The following NYNRIN variants were observed in gnomAD, a reference collection of about 807,000 sequenced individuals.
The protein encoded by NYNRIN is protein NYNRIN.
In NYNRIN, 86 loss-of-function variants were observed where a neutral mutation model predicts 146.6. That is an observed-to-expected ratio of 0.59 (90% confidence interval 0.49 to 0.70). The LOEUF is 0.70. Among genes scored for constraint, NYNRIN ranks in the 30% least tolerant of loss-of-function variants. NYNRIN has a pLI of 0.00. For missense variants in NYNRIN, 2,191 were observed against 2,377.7 expected (o/e 0.92, Z 1.63); for synonymous variants, 1,027 against 1,001.3 (o/e 1.03, Z -0.48).
Position 24,418,461 on chromosome 14 carries a change from T to C in NYNRIN, c.*1015T>C. Reference sequence around the variant, plus strand: ...CAGACCCTACAGATTGTGTGATTGCTTCATCTGTATCACCCCCCGAGTCCT... The same window carrying C: ...CAGACCCTACAGATTGTGTGATTGCCTCATCTGTATCACCCCCCGAGTCCT... On this transcript the variant is annotated 3_prime_UTR_variant, in exon 9 of 9. Coordinates refer to ENST00000382554, the MANE Select transcript of NYNRIN (RefSeq NM_025081.3). The C allele has an allele frequency of 2.9e-6, 1 of 350,106 alleles. No homozygotes were observed. The highest frequency in any genetic ancestry group is 5.6e-6 in the Non-Finnish European group (1 of 177,014). 21.7% of individuals were successfully genotyped at this position (350,106 alleles called of 1,614,324 possible).
At chr14:24,399,714 C>T (rs1219357752) in intron 2 of NYNRIN, among the ~76,000 whole-genome samples, 1 of 152,162 alleles carries the variant, frequency 6.6e-6, no homozygotes, top group Non-Finnish European at 1.5e-5. Flanking sequence ...GAGAGCACCT[C>T]CTCGGTGTGT....
chr14:24,399,363 G>A lies in NYNRIN; in HGVS notation c.117G>A (p.Leu39=). 1 of 1,613,876 alleles carries A rather than the reference G, an allele frequency of 6.2e-7. No individual in the cohort carries two copies. The highest frequency in any genetic ancestry group is 8.5e-7 in the Non-Finnish European group (1 of 1,179,848). The part of the protein sequence containing the change: ...LQVQRIFRVK[L]NAFQSRPDTP... ...TGCAGCGCATCTTTAGGGTCAAGCT[G>A]AACGCCTTCCAGAGCCGCCCGGACA... Residue 39 remains leucine, a synonymous_variant, in exon 2 of 9, where the codon CTG becomes CTA. Transcript: ENST00000382554.
rs2042897998 is a variant in NYNRIN at position 24,409,594 on chromosome 14, G to A, written c.1800G>A (p.Met600Ile). ...CAACAAAGCCAACAGCTCAACTGAT[G>A]GCCACAGCTCAAAAAACAGTTGTGA... Reference protein sequence around the residue: ...LAPTKPTAQLMATAQKTVVNQ... With the variant: ...LAPTKPTAQLIATAQKTVVNQ... The change falls in exon 4 of 9, where the codon ATG becomes ATA. Residue 600 changes from methionine to isoleucine, a missense_variant. Around this residue, in one of 3 missense-constraint regions of NYNRIN, gnomAD observed 895 missense variants for 941.2 expected, o/e 0.95. Transcript: ENST00000382554. 2 of 1,609,492 alleles carry A rather than the reference G, an allele frequency of 1.2e-6. No individual in the cohort carries two copies. Among genetic ancestry groups the A allele is most frequent in the African/African-American group, 1.3e-5 (1 of 74,802 alleles).
At position 24,415,492 on chromosome 14, in the gene NYNRIN, G is replaced by A. The variant is rs542139168; in HGVS notation, c.3743G>A (p.Arg1248His). 341 of 1,613,818 alleles carry A rather than the reference G, an allele frequency of 2.1e-4. No homozygotes were observed. Among genetic ancestry groups the A allele is most frequent in the East Asian group, 1.8e-3 (81 of 44,864 alleles). The change falls in exon 9 of 9, where the codon CGC (arginine) becomes CAC (histidine). Residue 1248 changes from arginine to histidine, a missense_variant. Arg to His is a conservative substitution (Grantham distance 29). This residue lies in a region of NYNRIN where 1,291 missense variants were observed against 1,417.0 expected (regional missense o/e 0.91). Coordinates refer to ENST00000382554, the MANE Select transcript of NYNRIN (RefSeq NM_025081.3). ...GCGGACCCTGAGGTGCGGGAGGGCC[G>A]CAGGGTTTCCAAAGCTTGGTTGATC... Reference protein sequence around the residue: ...TTADPEVREGRRVSKAWLIRW... With the variant: ...TTADPEVREGHRVSKAWLIRW...
At position 24,417,243 on chromosome 14, in the gene NYNRIN, G is replaced by T; in HGVS notation, c.5494G>T (p.Val1832Phe). The T allele has an allele frequency of 6.2e-7, 1 of 1,614,046 alleles. No individual in the cohort carries two copies. The highest frequency in any genetic ancestry group is 8.5e-7 in the Non-Finnish European group (1 of 1,179,896). Residue 1832 changes from valine (V) to phenylalanine (F), a missense_variant, in exon 9 of 9, where the codon GTC becomes TTC. This residue lies in a region of NYNRIN where 1,291 missense variants were observed against 1,417.0 expected (regional missense o/e 0.91). Coordinates refer to ENST00000382554, the MANE Select transcript of NYNRIN (RefSeq NM_025081.3). ...QEKEWNVGDQ[V>F]LLLSLPRNGS... ...GAAGGAGTGGAATGTGGGTGACCAG[G>T]TCCTTTTGCTGTCCCTCCCCAGGAA... is the stretch of plus-strand genomic sequence containing the variant.
Position 24,415,483 on chromosome 14 carries a change from G to C in NYNRIN, c.3734G>C (p.Arg1245Pro). The C allele has an allele frequency of 6.2e-7, 1 of 1,613,842 alleles. No individual in the cohort carries two copies. Among genetic ancestry groups the C allele is most frequent in the Middle Eastern group, 1.7e-4 (1 of 6,060 alleles). ...CGGACCACTGCGGACCCTGAGGTGC[G>C]GGAGGGCCGCAGGGTTTCCAAAGCT... Reference protein sequence around the residue: ...ASRTTADPEVREGRRVSKAWL... With the variant: ...ASRTTADPEVPEGRRVSKAWL... The change falls in exon 9 of 9, where the codon CGG becomes CCG. Residue 1245 changes from arginine (R) to proline (P), a missense_variant. By Grantham distance (103) the Arg-to-Pro change is moderately radical (BLOSUM62 -2). Coordinates refer to ENST00000382554, the MANE Select transcript of NYNRIN (RefSeq NM_025081.3).
chr14:24,406,873 C>T (rs2042878323), intron 2 of NYNRIN, among the ~76,000 whole-genome samples: 1 of 152,248 alleles, frequency 6.6e-6, no homozygotes, highest in Admixed American at 6.5e-5. Flanking sequence ...CCTCGCCCAC[C>T]CCAGCCACTG....
intron 2 of NYNRIN, 49 bp downstream of exon 2, chr14:24,399,493 C>G: frequency 6.7e-7 from 1 of 1,485,468 alleles, no homozygotes; most frequent in Non-Finnish European, 9.1e-7. Context: ...CCAGATCACT[C>G]TCTCCCCTTC....
At position 24,408,854 on chromosome 14, in the gene NYNRIN, C is replaced by T. The variant is rs2042892413; in HGVS notation, c.1060C>T (p.Pro354Ser). 6.2e-7 allele frequency: 1 copy of T among 1,614,050 alleles called. No individual in the cohort carries two copies. Among genetic ancestry groups the T allele is most frequent in the Non-Finnish European group, 8.5e-7 (1 of 1,179,900 alleles). The change falls in exon 4 of 9, where the codon CCA becomes TCA. Residue 354 changes from proline to serine, a missense_variant. Coordinates refer to ENST00000382554, the MANE Select transcript of NYNRIN (RefSeq NM_025081.3). Reference sequence around the variant, plus strand: ...ACCCTGGAAGGCCTGGACCCCGGGGCCAGCCTTTGGGCCATTGTGGCCGGG... The same window carrying T: ...ACCCTGGAAGGCCTGGACCCCGGGGTCAGCCTTTGGGCCATTGTGGCCGGG... Reference protein sequence around the residue: ...CPPWKAWTPGPAFGPLWPGAI... With the variant: ...CPPWKAWTPGSAFGPLWPGAI...
chr14:24,399,227 C>T lies in NYNRIN; in HGVS notation c.-17-3C>T. 1.2e-6 allele frequency: 2 copies of T among 1,611,776 alleles called. No homozygotes were observed. Among genetic ancestry groups the T allele is most frequent in the Non-Finnish European group, 1.7e-6 (2 of 1,178,838 alleles). On this transcript the variant is annotated splice_region_variant and splice_polypyrimidine_tract_variant and intron_variant, in intron 1 of 8. Transcript: ENST00000382554. ...GGTGACACTATCGTCTCCTTCGTTC[C>T]AGGAGCGGGCGGGGCAGCCATGCTC... is the stretch of plus-strand genomic sequence containing the variant.
At chr14:24,400,065 C>T (rs1354163931) in intron 2 of NYNRIN, among the ~76,000 whole-genome samples, 1 of 151,998 alleles carries the variant, frequency 6.6e-6, no homozygotes, top group East Asian at 1.9e-4. Context: ...GGACCAGAAC[C>T]CAGGGCTCTG....
At chr14:24,401,924 G>GC (rs2042846195) in intron 2 of NYNRIN, among the ~76,000 whole-genome samples, 1 of 152,184 alleles carries the variant, frequency 6.6e-6, no homozygotes, top group Non-Finnish European at 1.5e-5. Context: ...AGCGTGGCTG[G>GC]CCCCAATCTC....
intron 8 of NYNRIN, 85 bp downstream of exon 8, chr14:24,413,502 G>T (rs1343285908): frequency 1.3e-5 from 11 of 814,952 alleles, no homozygotes; most frequent in Non-Finnish European, 2.1e-5. Context: ...CATCTAGTGC[G>T]TAATAATGAT....
At position 24,415,551 on chromosome 14, in the gene NYNRIN, A is replaced by T; in HGVS notation, c.3802A>T (p.Arg1268Trp). The change falls in exon 9 of 9, where the codon AGG becomes TGG. Residue 1268 changes from arginine to tryptophan, a missense_variant. Coordinates refer to ENST00000382554, the MANE Select transcript of NYNRIN (RefSeq NM_025081.3). ...CCTCTTGGTTCAGGACAAAGGCAAG[A>T]GGGCCCTGGAATTGGCCCTCCTCCA... ...WSLLVQDKGK[R>W]ALELALLQGL... 1 of 1,613,778 alleles carries T rather than the reference A, an allele frequency of 6.2e-7. No individual in the cohort carries two copies. Among genetic ancestry groups the T allele is most frequent in the Non-Finnish European group, 8.5e-7 (1 of 1,179,788 alleles).
intron 6 of NYNRIN, chr14:24,412,791 C>G (rs747473992): frequency 9.2e-4 from 449 of 486,492 alleles, no homozygotes; most frequent in Admixed American, 3.1e-3. Context: ...CCAAGGTCAC[C>G]CTTGGATGAC....
In NYNRIN at chr14:24,417,271, GCAGCAGTGC is replaced by G; in HGVS notation, c.5525_5533del (p.Ser1842_Ala1844del). 6.2e-7 allele frequency: 1 copy of G among 1,614,042 alleles called. No homozygotes were observed. The highest frequency in any genetic ancestry group is 8.5e-7 in the Non-Finnish European group (1 of 1,179,884). ...CTTTTGCTGTCCCTCCCCAGGAATGGCAGCAGTGCCAAATGGGTGGGTCCCTTCTATATC... is the reference window on the plus strand; with the variant it reads ...CTTTTGCTGTCCCTCCCCAGGAATGGCAAATGGGTGGGTCCCTTCTATATC... On this transcript the variant is annotated inframe_deletion, in exon 9 of 9. Coordinates refer to ENST00000382554, the MANE Select transcript of NYNRIN (RefSeq NM_025081.3).
Position 24,416,076 on chromosome 14 carries a change from A to G in NYNRIN, c.4327A>G (p.Thr1443Ala). 2 of 1,613,872 alleles carry G rather than the reference A, an allele frequency of 1.2e-6. No homozygotes were observed. The highest frequency in any genetic ancestry group is 2.2e-5 in the South Asian group (2 of 91,082). ...CTCTCTGTTTGCTGTGACAGTGGAC[A>G]CCCTGGCCAAGCAGGGTGCCCAGGG... ...RGSLFAVTVD[T>A]LAKQGAQGGG... Residue 1443 changes from threonine (T) to alanine (A), a missense_variant, in exon 9 of 9, where the codon ACC becomes GCC. By Grantham distance (58) the Thr-to-Ala change is moderately conservative (BLOSUM62 0). Transcript: ENST00000382554.
Position 24,416,367 on chromosome 14 carries a change from C to G in NYNRIN, c.4618C>G (p.Leu1540Val). 6.2e-7 allele frequency: 1 copy of G among 1,613,310 alleles called. No individual in the cohort carries two copies. The highest frequency in any genetic ancestry group is 1.1e-5 in the South Asian group (1 of 90,954). The change falls in exon 9 of 9, where the codon CTC (leucine) becomes GTC (valine). Residue 1540 changes from leucine to valine, a missense_variant. This residue lies in a region of NYNRIN where 1,291 missense variants were observed against 1,417.0 expected (regional missense o/e 0.91). Transcript: ENST00000382554. Reference protein sequence around the residue: ...KPRVWVVPTQLRRDLIFSVHD... With the variant: ...KPRVWVVPTQVRRDLIFSVHD... The stretch of plus-strand genomic sequence containing the variant: ...CAGGGTCTGGGTAGTCCCGACGCAA[C>G]TCCGGAGGGATCTGATTTTCTCTGT...
chr14:24,409,095 C>T lies in NYNRIN; in HGVS notation c.1301C>T (p.Pro434Leu), dbSNP rs752690083. 7 of 1,613,692 alleles carry T rather than the reference C, an allele frequency of 4.3e-6. No homozygotes were observed. In the South Asian group the frequency reaches 7.7e-5, roughly 18 times the overall value. Residue 434 changes from proline (P) to leucine (L), a missense_variant, in exon 4 of 9, where the codon CCA (proline) becomes CTA (leucine). This residue lies in a region of NYNRIN where 895 missense variants were observed against 941.2 expected (regional missense o/e 0.95). Transcript: ENST00000382554. ...AGTGCAGAAAGCCCAGCTGGTAGAC[C>T]AGATGGGGGGCTGGGAGGAGAAGCA... ...LPSAESPAGRPDGGLGGEAAL... is the reference protein window; with the variant it reads ...LPSAESPAGRLDGGLGGEAAL...
Sources: allele counts gnomAD v4.1 joint callset (sites outside exome capture counted in the v4.1 genomes callset), GRCh38; gene constraint gnomAD v4.1.1; regional missense constraint gnomAD v4.1.1; transcripts MANE v1.5; gene names NCBI Gene and HGNC (gene_info 2026-07-23, HGNC 2026-07-21).